GCC2: variants seen among roughly 807,000 people sequenced by gnomAD.
The protein encoded by GCC2 is GRIP and coiled-coil domain-containing protein 2.
A neutral mutation model predicts 210.6 loss-of-function variants in GCC2; 120 were observed. The observed-to-expected ratio is 0.57, with a 90% confidence interval of 0.49 to 0.66. The LOEUF is 0.66. Among genes scored for constraint, GCC2 ranks in the 30% least tolerant of loss-of-function variants. The pLI is 0.00. For synonymous variants in GCC2, 703 were observed against 652.7 expected (o/e 1.08, Z -1.17); for missense variants, 1,868 against 1,871.9 (o/e 1.00, Z 0.04).
chr2:108,470,161 G>C lies in GCC2; in HGVS notation c.832G>C (p.Glu278Gln), dbSNP rs765075262. 8.1e-6 allele frequency: 13 copies of C among 1,613,582 alleles called. 1 individual carries two copies. The East Asian group carries it at 2.9e-4, about 36-fold the overall frequency. Residue 278 changes from glutamate (E) to glutamine (Q), a missense_variant, in exon 6 of 23, where the codon GAG becomes CAG. By Grantham distance (29) the Glu-to-Gln change is conservative. Coordinates refer to ENST00000309863, the MANE Select transcript of GCC2 (RefSeq NM_181453.4). ...GATAAATAAGTTGAACGAGCTAAAA[G>C]AGAACTTAGTAAAACAATGTGAGGC... ...AEINKLNELK[E>Q]NLVKQCEASE...
chr2:108,462,249 T>G (rs1406408836), intron 4 of GCC2, among the ~76,000 whole-genome samples: 4 of 147,232 alleles, frequency 2.7e-5, no homozygotes, highest in Non-Finnish European at 4.5e-5. Flanking sequence ...TCCCAGCACT[T>G]TGGGAGGCCG....
chr2:108,449,508 T>G, intron 1 of GCC2, 125 bp from the exon 2 acceptor site: 1 of 1,233,232 alleles, frequency 8.1e-7, no homozygotes, highest in Non-Finnish European at 1.2e-6. Flanking sequence ...GCCCTCATTC[T>G]CTGTCTCACG....
chr2:108,498,183 CTTTTTTTTTTTTT>C lies in GCC2; in HGVS notation c.4782+1092_4782+1104del, dbSNP rs3084885. Among the ~76,000 whole-genome samples, 18 of 57,476 alleles carry C rather than the reference CTTTTTTTTTTTTT, an allele frequency of 3.1e-4. 1 individual carries two copies. The South Asian group carries it at 3.8e-3, about 12-fold the overall frequency. The allele number at this position is 57,476 out of a possible 152,430, so 37.7% of individuals were successfully genotyped here. The stretch of plus-strand genomic sequence containing the variant: ...ATGACTTATTTAAATGTTATATTTT[CTTTTTTTTTTTTT>C]TTTTTTTTTTTTTTTTTGAGATAGA... On this transcript the variant is annotated intron_variant, in intron 21 of 22. Coordinates refer to ENST00000309863, the MANE Select transcript of GCC2 (RefSeq NM_181453.4).
chr2:108,504,479 T>C (rs1683088081), intron 22 of GCC2, among the ~76,000 whole-genome samples: 1 of 152,110 alleles, frequency 6.6e-6, no homozygotes. Flanking sequence ...CAACTCTGCG[T>C]TATAAGGTAA....
rs753625999 is a variant in GCC2 at position 108,471,191 on chromosome 2, A to G, written c.1862A>G (p.Glu621Gly). 5.0e-6 allele frequency: 8 copies of G among 1,604,758 alleles called. No individual in the cohort carries two copies. Among genetic ancestry groups the G allele is most frequent in the Non-Finnish European group, 6.8e-6 (8 of 1,176,314 alleles). The change falls in exon 6 of 23, where the codon GAA (glutamate) becomes GGA (glycine). Residue 621 changes from glutamate (E) to glycine (G), a missense_variant. Coordinates refer to ENST00000309863, the MANE Select transcript of GCC2 (RefSeq NM_181453.4). ...DNFHKKCERE[E>G]RLILELGKKV... ...TTCCATAAGAAATGTGAAAGGGAAG[A>G]AAGATTGATTCTTGAACTTGGGAAG...
At position 108,471,102 on chromosome 2, in the gene GCC2, TCTTA is replaced by T; in HGVS notation, c.1776_1779del (p.Thr593ArgfsTer7). Reference sequence around the variant, plus strand: ...AAGAATTAGAAGGAAAGATAAATTCTCTTACTGAGGAAAAAGATGATTTTATAAA... The same window carrying T: ...AAGAATTAGAAGGAAAGATAAATTCTCTGAGGAAAAAGATGATTTTATAAA... On this transcript the variant is annotated frameshift_variant, in exon 6 of 23. Coordinates refer to ENST00000309863, the MANE Select transcript of GCC2 (RefSeq NM_181453.4). LOFTEE classifies it high-confidence loss of function. The T allele has an allele frequency of 6.3e-7, 1 of 1,584,620 alleles. No individual in the cohort carries two copies. Among genetic ancestry groups the T allele is most frequent in the Non-Finnish European group, 8.6e-7 (1 of 1,156,894 alleles).
intron 9 of GCC2, among the ~76,000 whole-genome samples, chr2:108,476,848 TA>T (rs1343963379): frequency 1.3e-5 from 2 of 151,928 alleles, no homozygotes; most frequent in Admixed American, 6.6e-5. Context: ...AAATAGAAGA[TA>T]CATACTGTGT....
Position 108,486,624 on chromosome 2 carries a change from A to G in GCC2, c.3906A>G (p.Leu1302=). 6.2e-7 allele frequency: 1 copy of G among 1,613,518 alleles called. No homozygotes were observed. ...LSAYQQRVTA[L]QEECRAAKAE... is the part of the protein sequence containing the mutation. ...CATACCAGCAGAGAGTGACAGCACT[A>G]CAGGAAGAGTGCCGTGCTGCCAAGG... is the stretch of plus-strand genomic sequence containing the variant. Residue 1302 remains leucine (L), a synonymous_variant, in exon 16 of 23, where the codon CTA becomes CTG. Transcript: ENST00000309863.
At position 108,495,405 on chromosome 2, in the gene GCC2, C is replaced by T. The variant is rs768956209; in HGVS notation, c.4562C>T (p.Thr1521Ile). 1.3e-5 allele frequency: 20 copies of T among 1,587,930 alleles called. No homozygotes were observed. Among genetic ancestry groups the T allele is most frequent in the Admixed American group, 6.7e-5 (4 of 59,980 alleles). The change falls in exon 20 of 23, where the codon ACT (threonine) becomes ATT (isoleucine). Residue 1521 changes from threonine to isoleucine, a missense_variant. Physicochemically the swap from Thr to Ile is moderately conservative, Grantham distance 89. Transcript: ENST00000309863. ...TREEGEGMET[T>I]DTESVSSAST... ...GAAGAGGGAGAAGGCATGGAGACAACTGATACGGAGTCTGTGTCTTCCGCC... is the reference window on the plus strand; with the variant it reads ...GAAGAGGGAGAAGGCATGGAGACAATTGATACGGAGTCTGTGTCTTCCGCC...
intron 4 of GCC2, among the ~76,000 whole-genome samples, chr2:108,453,423 T>G (rs572203502): frequency 2.0e-5 from 3 of 152,352 alleles, no homozygotes; most frequent in Non-Finnish European, 2.9e-5. Flanking sequence ...CACTGGGTTC[T>G]CTTTCTCTTT....
chr2:108,484,871 C>T (rs1246769309), intron 13 of GCC2: 3 of 151,802 alleles, frequency 2.0e-5, no homozygotes, highest in South Asian at 2.1e-4. Flanking sequence ...CACATGCACA[C>T]GTATGTTTAT....
chr2:108,483,012 C>A (rs753760820), intron 11 of GCC2, 50 bp from the exon 12 acceptor site: 17 of 962,802 alleles, frequency 1.8e-5, no homozygotes, highest in Middle Eastern at 2.1e-4. Flanking sequence ...TTAAAAATAC[C>A]TTTTTAATAT....
At chr2:108,501,058 C>CAG (rs1682901139) in intron 22 of GCC2, among the ~76,000 whole-genome samples, 1 of 151,988 alleles carries the variant, frequency 6.6e-6, no homozygotes, top group Non-Finnish European at 1.5e-5. Flanking sequence ...TGCAGTGGTC[C>CAG]GATCATGGCT....
At chr2:108,482,155 G>A (rs748481759) in intron 10 of GCC2, 132 bp from the exon 11 acceptor site, 19 of 608,436 alleles carry the variant, frequency 3.1e-5, no homozygotes, top group Non-Finnish European at 4.6e-5. Flanking sequence ...TAATATTATC[G>A]TTCTGTAGCA....
At chr2:108,458,897 T>A (rs1431595116) in intron 4 of GCC2, among the ~76,000 whole-genome samples, 1 of 152,210 alleles carries the variant, frequency 6.6e-6, no homozygotes, top group Non-Finnish European at 1.5e-5. Flanking sequence ...CTGCCTTTTT[T>A]AAAAGTCTCT....
chr2:108,450,212 C>A (rs1464547710), intron 2 of GCC2, among the ~76,000 whole-genome samples: 2 of 152,236 alleles, frequency 1.3e-5, no homozygotes, highest in Non-Finnish European at 2.9e-5. Context: ...GAGATAGGTA[C>A]TGTTGTTACC....
chr2:108,490,037 C>T (rs56384131), intron 18 of GCC2, 23 bp downstream of exon 18: 18,656 of 1,549,614 alleles, frequency 0.012, 147 homozygotes, highest in Non-Finnish European at 0.014. Flanking sequence ...GCAGCACTAA[C>T]GCTGTACCAG....
chr2:108,486,756 G>A (rs1443462091), intron 16 of GCC2, 108 bp downstream of exon 16: 6 of 950,290 alleles, frequency 6.3e-6, no homozygotes, highest in Middle Eastern at 6.5e-4. Context: ...CCTGTTAAGA[G>A]CACTTACTAG....
In GCC2 at chr2:108,471,603, G is replaced by C; in HGVS notation, c.2274G>C (p.Gln758His). The C allele has an allele frequency of 6.2e-7, 1 of 1,613,366 alleles. No homozygotes were observed. Among genetic ancestry groups the C allele is most frequent in the Non-Finnish European group, 8.5e-7 (1 of 1,179,622 alleles). ...TTCAGAAGTTATTTGTTAAAACTCA[G>C]TTGTATGGTTTTCTTAAAGAAATGG... ...EQVQKLFVKTQLYGFLKEMGS... is the reference protein window; with the variant it reads ...EQVQKLFVKTHLYGFLKEMGS... The change falls in exon 6 of 23, where the codon CAG (glutamine) becomes CAC (histidine). Residue 758 changes from glutamine (Q) to histidine (H), a missense_variant. This residue lies in a region of GCC2 where 1,847 missense variants were observed against 1,765.2 expected (regional missense o/e 1.05). Transcript: ENST00000309863.
Sources: allele counts gnomAD v4.1 joint callset (sites outside exome capture counted in the v4.1 genomes callset), GRCh38; gene constraint gnomAD v4.1.1; regional missense constraint gnomAD v4.1.1; transcripts MANE v1.5; gene names NCBI Gene and HGNC (gene_info 2026-07-23, HGNC 2026-07-21).